Variants in ADGRL3 observed in about 807,000 individuals in gnomAD.
ADGRL3 encodes adhesion G protein-coupled receptor L3.
ADGRL3 carries 62 observed loss-of-function variants against 153.5 expected under a neutral mutation model. The ratio of observed to expected loss-of-function variants is 0.40; its 90% CI spans 0.33 to 0.50. ADGRL3 has a LOEUF of 0.50. ADGRL3 is among the 20% of genes least tolerant of loss of function. The pLI is 0.47. For synonymous variants in ADGRL3, 710 were observed against 672.5 expected (o/e 1.06, Z -0.86); for missense variants, 1,641 against 1,859.4 (o/e 0.88, Z 2.16).
chr4:61,461,492 A>G (rs746680523), intron 2 of ADGRL3, among the ~76,000 whole-genome samples: 17 of 152,164 alleles, frequency 1.1e-4, no homozygotes, highest in Non-Finnish European at 1.9e-4. Context: ...TACTCTCTAA[A>G]TATGTACAAT....
chr4:61,849,486 T>A (rs979108096), intron 9 of ADGRL3, among the ~76,000 whole-genome samples: 4 of 151,008 alleles, frequency 2.6e-5, no homozygotes, highest in Non-Finnish European at 5.9e-5. Flanking sequence ...ATTTTTATAT[T>A]TTTTTTTTGT....
rs182104969 is a variant in ADGRL3, at chr4:61,807,668, A to G, written c.1400-6141A>G. On this transcript the variant is annotated intron_variant, in intron 8 of 26. Transcript: ENST00000683033. ...GTTGCTGTATCAAATTTCACACTAAATTCATTTTCAAAATGTATTTTCTTA... is the reference window on the plus strand; with the variant it reads ...GTTGCTGTATCAAATTTCACACTAAGTTCATTTTCAAAATGTATTTTCTTA... 4.0e-3 allele frequency among the ~76,000 whole-genome samples: 610 copies of G among 152,286 alleles called. 1 individual carries two copies. Among genetic ancestry groups the G allele is most frequent in the Non-Finnish European group, 7.1e-3 (485 of 68,010 alleles).
At chr4:61,216,753 C>T (rs1742985410) in intron 1 of ADGRL3, among the ~76,000 whole-genome samples, 1 of 152,112 alleles carries the variant, frequency 6.6e-6, no homozygotes, top group South Asian at 2.1e-4. Flanking sequence ...CAAACCTTTC[C>T]TCTATGTCAC....
At chr4:61,746,531 C>G (rs1228469261) in intron 8 of ADGRL3, among the ~76,000 whole-genome samples, 4 of 152,096 alleles carry the variant, frequency 2.6e-5, no homozygotes, top group East Asian at 3.9e-4. Context: ...TGCAATCAAA[C>G]TAGAACTCAG....
chr4:62,027,104 A>G (rs1193853847), intron 21 of ADGRL3, among the ~76,000 whole-genome samples: 3 of 152,082 alleles, frequency 2.0e-5, no homozygotes, highest in African/African-American at 7.2e-5. Context: ...GAATATACTG[A>G]TGCAATGGGA....
chr4:61,565,467 A>G (rs1396529303), intron 4 of ADGRL3, among the ~76,000 whole-genome samples: 1 of 152,190 alleles, frequency 6.6e-6, no homozygotes, highest in Non-Finnish European at 1.5e-5. Context: ...CTTAAATAGA[A>G]GACAAACTCA....
intron 4 of ADGRL3, among the ~76,000 whole-genome samples, chr4:61,567,048 A>G (rs1421261459): frequency 6.6e-6 from 1 of 152,206 alleles, no homozygotes. Context: ...GCCAAATGCT[A>G]TGCAATTAGT....
chr4:61,671,078 A>G (rs2094976191), intron 5 of ADGRL3, among the ~76,000 whole-genome samples: 1 of 152,140 alleles, frequency 6.6e-6, no homozygotes, highest in Non-Finnish European at 1.5e-5. Flanking sequence ...CTCCCTCTCT[A>G]TCTGCCTAAA....
At chr4:61,775,394 TTC>T in intron 8 of ADGRL3, 1 of 499,964 alleles carries the variant, frequency 2.0e-6, no homozygotes, top group Non-Finnish European at 3.6e-6. Flanking sequence ...TTTCTTTTTT[TTC>T]TTTCTTTGTG....
At chr4:61,621,405 C>T (rs980779492) in intron 5 of ADGRL3, among the ~76,000 whole-genome samples, 1 of 151,996 alleles carries the variant, frequency 6.6e-6, no homozygotes, top group Non-Finnish European at 1.5e-5. Flanking sequence ...GCCAGCTGAC[C>T]CCAGTATACA....
At chr4:61,203,352 C>T (rs1735710950) in intron 1 of ADGRL3, among the ~76,000 whole-genome samples, 1 of 152,204 alleles carries the variant, frequency 6.6e-6, no homozygotes, top group Non-Finnish European at 1.5e-5. Context: ...ACATTGTAAA[C>T]AACGGTGTAA....
chr4:61,934,201 G>T (rs2098829110), intron 13 of ADGRL3, among the ~76,000 whole-genome samples: 1 of 152,166 alleles, frequency 6.6e-6, no homozygotes, highest in Non-Finnish European at 1.5e-5. Context: ...AGGTAGTAAG[G>T]TTCAACTGTT....
At chr4:61,378,089 A>T (rs1288524239) in intron 1 of ADGRL3, among the ~76,000 whole-genome samples, 1 of 151,840 alleles carries the variant, frequency 6.6e-6, no homozygotes, top group African/African-American at 2.4e-5. Flanking sequence ...ATTTACTAAG[A>T]TTTGTTTTTT....
intron 6 of ADGRL3, among the ~76,000 whole-genome samples, chr4:61,697,895 T>G (rs1172599579): frequency 6.6e-6 from 1 of 152,172 alleles, no homozygotes; most frequent in African/African-American, 2.4e-5. Context: ...TTCTGTTACA[T>G]GAAGCCCAGG....
chr4:61,896,633 A>G (rs890713373), intron 11 of ADGRL3, among the ~76,000 whole-genome samples: 1 of 152,190 alleles, frequency 6.6e-6, no homozygotes, highest in Non-Finnish European at 1.5e-5. Context: ...TAATCCATAA[A>G]TATCTACCCA....
chr4:61,895,466 A>AAATAATAAT (rs10603633), intron 10 of ADGRL3, among the ~76,000 whole-genome samples: 1 of 148,210 alleles, frequency 6.7e-6, no homozygotes, highest in African/African-American at 2.5e-5. Context: ...ACTCCATCTC[A>AAATAATAAT]AATAATAATA....
intron 5 of ADGRL3, among the ~76,000 whole-genome samples, chr4:61,657,027 T>G (rs1452963687): frequency 6.6e-6 from 1 of 152,216 alleles, no homozygotes; most frequent in Non-Finnish European, 1.5e-5. Context: ...TCTATTCTTT[T>G]GATACTTTTT....
intron 2 of ADGRL3, among the ~76,000 whole-genome samples, chr4:61,458,466 A>T (rs1345674294): frequency 2.0e-5 from 3 of 151,238 alleles, no homozygotes; most frequent in Admixed American, 2.0e-4. Context: ...CTAAAAATAT[A>T]CTAATTATAT....
chr4:61,412,279 G>T (rs993197036), intron 2 of ADGRL3, among the ~76,000 whole-genome samples: 1 of 151,914 alleles, frequency 6.6e-6, no homozygotes, highest in Non-Finnish European at 1.5e-5. Context: ...ATAGGGACAG[G>T]GTCTTGTTTT....
Sources: allele counts gnomAD v4.1 joint callset (sites outside exome capture counted in the v4.1 genomes callset), GRCh38; gene constraint gnomAD v4.1.1; transcripts MANE v1.5; gene names NCBI Gene and HGNC (gene_info 2026-07-23, HGNC 2026-07-21).